The following CNTN5 variants were observed in gnomAD, a reference collection of about 807,000 sequenced individuals.
CNTN5 encodes the protein contactin 5, also known as contactin-5.
A neutral mutation model predicts 129.1 loss-of-function variants in CNTN5; 77 were observed. The observed-to-expected ratio is 0.60, with a 90% CI of 0.50 to 0.72. The LOEUF (loss-of-function observed/expected upper bound fraction) is 0.72. CNTN5 is among the 30% of genes least tolerant of loss of function. The pLI is 0.00. For synonymous variants in CNTN5, 509 were observed against 465.6 expected, an observed-to-expected ratio of 1.09 and a Z score of -1.20; for missense variants, 1,478 against 1,328.8, an observed-to-expected ratio of 1.11 and a Z score of -1.75.
intron 9 of CNTN5, among the ~76,000 whole-genome samples, chr11:100,046,129 G>T (rs1942658014): frequency 7.2e-6 from 1 of 139,774 alleles, no homozygotes; most frequent in Non-Finnish European, 1.5e-5. Flanking sequence ...ACACTCTGGG[G>T]ACTGTTGTGG....
chr11:99,153,476 C>T (rs1351776184), intron 1 of CNTN5, among the ~76,000 whole-genome samples: 1 of 146,884 alleles, frequency 6.8e-6, no homozygotes, highest in Non-Finnish European at 1.5e-5. Flanking sequence ...GTTTTCAGCT[C>T]TATCAGATCA....
At chr11:99,562,430 A>G (rs1377607002) in intron 3 of CNTN5, among the ~76,000 whole-genome samples, 1 of 152,172 alleles carries the variant, frequency 6.6e-6, no homozygotes, top group Non-Finnish European at 1.5e-5. Flanking sequence ...AGTCTTAGTT[A>G]AGAACTATTA....
intron 1 of CNTN5, among the ~76,000 whole-genome samples, chr11:99,256,583 A>G (rs866895664): frequency 3.3e-5 from 5 of 151,984 alleles, no homozygotes; most frequent in Non-Finnish European, 5.9e-5. Flanking sequence ...TAGATAAAAT[A>G]CTATAAATAT....
intron 3 of CNTN5, among the ~76,000 whole-genome samples, chr11:99,810,561 AGTAC>A (rs1485041193): frequency 6.6e-6 from 1 of 152,168 alleles, no homozygotes; most frequent in Non-Finnish European, 1.5e-5. Flanking sequence ...TGAGACATAG[AGTAC>A]ATCTGATTTG....
At chr11:99,895,129 A>G (rs765805236) in intron 6 of CNTN5, among the ~76,000 whole-genome samples, 1 of 152,356 alleles carries the variant, frequency 6.6e-6, no homozygotes, top group South Asian at 2.1e-4. Flanking sequence ...GTAGCATCAG[A>G]TAATAGAATT....
chr11:99,164,025 CA>C (rs1361883050), intron 1 of CNTN5, among the ~76,000 whole-genome samples: 4 of 152,034 alleles, frequency 2.6e-5, no homozygotes, highest in Admixed American at 6.5e-5. Flanking sequence ...AAAATTATGT[CA>C]AAAAAATGTG....
chr11:99,181,029 G>C (rs1306023527), intron 1 of CNTN5, among the ~76,000 whole-genome samples: 2 of 152,180 alleles, frequency 1.3e-5, no homozygotes, highest in African/African-American at 4.8e-5. Flanking sequence ...TTTTGTACGT[G>C]TAAGCTCAAT....
At chr11:99,559,492 T>C (rs1565295379) in intron 3 of CNTN5, among the ~76,000 whole-genome samples, 2 of 152,038 alleles carry the variant, frequency 1.3e-5, no homozygotes, top group Non-Finnish European at 2.9e-5. Flanking sequence ...AAAACAACAA[T>C]GATATATTGC....
intron 3 of CNTN5, among the ~76,000 whole-genome samples, chr11:99,675,241 T>A (rs895419377): frequency 6.6e-6 from 1 of 152,088 alleles, no homozygotes; most frequent in African/African-American, 2.4e-5. Flanking sequence ...AACCCATAAC[T>A]CCAAGTTGAA....
chr11:99,727,679 A>G (rs1943398460), intron 3 of CNTN5, among the ~76,000 whole-genome samples: 1 of 152,192 alleles, frequency 6.6e-6, no homozygotes, highest in Non-Finnish European at 1.5e-5. Context: ...GCTGTGGAAA[A>G]AAATGAAGAG....
In CNTN5 at chr11:99,450,401, A is replaced by T. The variant is rs140001528; in HGVS notation, c.-70-105744A>T. Among the ~76,000 whole-genome samples the T allele has an allele frequency of 3.9e-4, 59 of 152,138 alleles. 1 individual carries two copies. The highest frequency in any genetic ancestry group is 3.4e-3 in the Middle Eastern group (1 of 290). On this transcript the variant is annotated intron_variant, in intron 2 of 24. Coordinates refer to ENST00000524871, the MANE Select transcript of CNTN5 (RefSeq NM_014361.4). ...TTATGCCCAGTAATGTTCTATAAAG[A>T]CTGTGATGTCCCCACAAACACTGAA...
chr11:99,451,571 A>G (rs1257236288), intron 2 of CNTN5, among the ~76,000 whole-genome samples: 4 of 152,174 alleles, frequency 2.6e-5, no homozygotes, highest in African/African-American at 9.6e-5. Context: ...TCTTACTGAT[A>G]GTGGAAATTA....
At chr11:99,053,473 C>T (rs1331650907) in intron 1 of CNTN5, among the ~76,000 whole-genome samples, 1 of 151,612 alleles carries the variant, frequency 6.6e-6, no homozygotes, top group African/African-American at 2.4e-5. Context: ...TTTTTGCATT[C>T]ACATCTGAGG....
At chr11:99,651,392 T>G (rs1243157252) in intron 3 of CNTN5, among the ~76,000 whole-genome samples, 1 of 151,900 alleles carries the variant, frequency 6.6e-6, no homozygotes, top group African/African-American at 2.4e-5. Flanking sequence ...GAACAATATC[T>G]TCCCTAAAAG....
intron 8 of CNTN5, among the ~76,000 whole-genome samples, chr11:99,972,226 A>C (rs1296452475): frequency 6.6e-6 from 1 of 151,966 alleles, no homozygotes; most frequent in African/African-American, 2.4e-5. Context: ...GCGCCACTGC[A>C]CTCCAGCCTG....
At chr11:100,121,315 G>A (rs535022585) in intron 13 of CNTN5, among the ~76,000 whole-genome samples, 10 of 152,048 alleles carry the variant, frequency 6.6e-5, no homozygotes, top group Non-Finnish European at 1.2e-4. Context: ...ACAATGTTTT[G>A]TGACAAAAGT....
intron 3 of CNTN5, among the ~76,000 whole-genome samples, chr11:99,659,984 G>A (rs1464244711): frequency 1.3e-5 from 2 of 152,220 alleles, no homozygotes; most frequent in Non-Finnish European, 2.9e-5. Context: ...AAAGGCAACT[G>A]AGCAGAGGAA....
chr11:99,519,850 G>C (rs79847226), intron 2 of CNTN5, among the ~76,000 whole-genome samples: 4,271 of 152,140 alleles, frequency 0.028, 75 homozygotes, highest in Middle Eastern at 0.095. Flanking sequence ...TAGACTGCAG[G>C]TTTCCCTGTC....
rs184661312 is a variant in CNTN5, at chr11:100,320,493, T to A, written c.2730+12025T>A. 1.3e-4 allele frequency among the ~76,000 whole-genome samples: 20 copies of A among 152,352 alleles called. No homozygotes were observed. The East Asian group carries it at 3.7e-3, about 28-fold the overall frequency. The stretch of plus-strand genomic sequence containing the variant: ...ATATTTTTGCCCATTCTGTAGGATT[T>A]TTTTTCACTCTGTTGATTGTGGCTT... On this transcript the variant is annotated intron_variant, in intron 21 of 24. Coordinates refer to ENST00000524871, the MANE Select transcript of CNTN5 (RefSeq NM_014361.4).
Sources: gnomAD v4.1 joint callset for allele counts (sites outside exome capture counted in the v4.1 genomes callset) on GRCh38, gnomAD v4.1.1 for gene constraint, MANE v1.5 for transcripts, NCBI Gene and HGNC (gene_info 2026-07-23, HGNC 2026-07-21) for gene names.